FBLN2: variants seen among roughly 807,000 people sequenced by gnomAD.
FBLN2 encodes fibulin-2.
In FBLN2, 81 loss-of-function variants were observed where a neutral mutation model predicts 123.7. The observed-to-expected ratio is 0.65, with a 90% CI of 0.55 to 0.79. The LOEUF (loss-of-function observed/expected upper bound fraction) is 0.79. Among genes scored for constraint, FBLN2 ranks in the 30% least tolerant of loss-of-function variants. The pLI is 0.00. For missense variants in FBLN2, 1,603 were observed against 1,681.3 expected, an observed-to-expected ratio of 0.95 and a Z score of 0.81; for synonymous variants, 699 against 701.4, an observed-to-expected ratio of 1.00 and a Z score of 0.05.
chr3:13,572,410 G>A (rs561163581), intron 2 of FBLN2, among the ~76,000 whole-genome samples: 1 of 152,378 alleles, frequency 6.6e-6, no homozygotes, highest in African/African-American at 2.4e-5. Flanking sequence ...TGAGGCAACT[G>A]GGGCTCGAGG....
intron 2 of FBLN2, among the ~76,000 whole-genome samples, chr3:13,599,479 A>G (rs1216183278): frequency 6.6e-6 from 1 of 152,220 alleles, no homozygotes; most frequent in Admixed American, 6.5e-5. Context: ...CCCACCGTGT[A>G]GGACTTTGTA....
chr3:13,636,901 G>A (rs1449887872), intron 17 of FBLN2, among the ~76,000 whole-genome samples: 1 of 152,212 alleles, frequency 6.6e-6, no homozygotes, highest in Non-Finnish European at 1.5e-5. Flanking sequence ...GTGTCTGAGG[G>A]CTAGGAGCCT....
At position 13,571,153 on chromosome 3, in the gene FBLN2, G is replaced by T; in HGVS notation, c.798G>T (p.Val266=). Residue 266 remains valine (V), a synonymous_variant, in exon 2 of 18, where the codon GTG becomes GTT. Coordinates refer to ENST00000404922, the MANE Select transcript of FBLN2 (RefSeq NM_001004019.2). The part of the protein sequence containing the change: ...AAAALGPPAP[V]QAKARRVTED... Reference sequence around the variant, plus strand: ...CTGCCCTGGGTCCCCCAGCCCCAGTGCAGGCCAAAGCTAGGAGAGTGACCG... The same window carrying T: ...CTGCCCTGGGTCCCCCAGCCCCAGTTCAGGCCAAAGCTAGGAGAGTGACCG... The T allele has an allele frequency of 6.4e-7, 1 of 1,557,398 alleles. No individual in the cohort carries two copies. Among genetic ancestry groups the T allele is most frequent in the Non-Finnish European group, 8.7e-7 (1 of 1,151,402 alleles).
intron 2 of FBLN2, among the ~76,000 whole-genome samples, chr3:13,607,418 T>A (rs1705244461): frequency 6.6e-6 from 1 of 152,208 alleles, no homozygotes; most frequent in Non-Finnish European, 1.5e-5. Context: ...GTCTTCAGGC[T>A]GAGTAGGCTT....
At chr3:13,560,149 G>T (rs1316764788) in intron 1 of FBLN2, among the ~76,000 whole-genome samples, 1 of 152,162 alleles carries the variant, frequency 6.6e-6, no homozygotes, top group East Asian at 1.9e-4. Context: ...AATTTTTCAC[G>T]TGCTTATGTT....
At chr3:13,549,328 G>C in intron 1 of FBLN2, 120 bp downstream of exon 1, 1 of 619,810 alleles carries the variant, frequency 1.6e-6, no homozygotes, top group East Asian at 1.4e-4. Flanking sequence ...GCGCCTCGCG[G>C]GCTGCCCGCG....
rs1574941993 is a variant in FBLN2, at chr3:13,558,722, T to C, written c.-42+9514T>C. 1.3e-4 allele frequency among the ~76,000 whole-genome samples: 6 copies of C among 47,010 alleles called. No individual in the cohort carries two copies. The South Asian group carries it at 4.5e-3, about 35-fold the overall frequency. The allele number at this position is 47,010 out of a possible 152,430, so 30.8% of individuals were successfully genotyped here. On this transcript the variant is annotated intron_variant, in intron 1 of 17. Transcript: ENST00000404922. ...TCACTTACCCACCCATCCACCCACC[T>C]ACCTACTTTTTTAGCCACCCATCCA... is the stretch of plus-strand genomic sequence containing the variant.
intron 1 of FBLN2, among the ~76,000 whole-genome samples, chr3:13,556,183 G>A (rs1282211651): frequency 6.6e-6 from 1 of 152,180 alleles, no homozygotes; most frequent in East Asian, 1.9e-4. Context: ...CAGATGAGTC[G>A]GGGAGGAGAT....
chr3:13,595,049 T>A (rs1219244265), intron 2 of FBLN2, among the ~76,000 whole-genome samples: 1 of 152,182 alleles, frequency 6.6e-6, no homozygotes, highest in East Asian at 1.9e-4. Flanking sequence ...GCCTTCTCTT[T>A]CCACAGCTGT....
chr3:13,607,994 G>A, intron 2 of FBLN2, 68 bp from the exon 3 acceptor site: 2 of 1,262,336 alleles, frequency 1.6e-6, no homozygotes, highest in Non-Finnish European at 2.2e-6. Flanking sequence ...GACCTGGACA[G>A]GCCCCTGCAT....
chr3:13,589,003 G>A (rs1454459613), intron 2 of FBLN2, among the ~76,000 whole-genome samples: 1 of 152,176 alleles, frequency 6.6e-6, no homozygotes, highest in Non-Finnish European at 1.5e-5. Flanking sequence ...AGTCTCTTAG[G>A]TAATAGCAGT....
intron 2 of FBLN2, among the ~76,000 whole-genome samples, chr3:13,578,620 T>C (rs926573095): frequency 3.9e-5 from 6 of 152,108 alleles, no homozygotes; most frequent in Non-Finnish European, 7.3e-5. Context: ...CTTCCAGCTT[T>C]TCAGTATTAT....
chr3:13,552,041 G>A (rs1202569186), intron 1 of FBLN2, among the ~76,000 whole-genome samples: 1 of 152,080 alleles, frequency 6.6e-6, no homozygotes, highest in Non-Finnish European at 1.5e-5. Flanking sequence ...GTCTCACTTT[G>A]TTACTCAGGC....
At chr3:13,622,492 C>G (rs965237975) in intron 9 of FBLN2, among the ~76,000 whole-genome samples, 1 of 152,200 alleles carries the variant, frequency 6.6e-6, no homozygotes, top group Admixed American at 6.5e-5. Flanking sequence ...CAGCAGAGCC[C>G]GCCTCGCATA....
chr3:13,628,700 G>A (rs1356206674), intron 11 of FBLN2, among the ~76,000 whole-genome samples: 4 of 152,206 alleles, frequency 2.6e-5, no homozygotes, highest in South Asian at 2.1e-4. Context: ...GTGAGAGGGC[G>A]TAGGGCCAGC....
chr3:13,636,543 C>T lies in FBLN2; in HGVS notation c.3313C>T (p.Pro1105Ser). The change falls in exon 17 of 18, where the codon CCC becomes TCC. Residue 1105 changes from proline (P) to serine (S), a missense_variant. Physicochemically the swap from Pro to Ser is moderately conservative, Grantham distance 74. Transcript: ENST00000404922. ...CCGCTGCCTGCGCTTCGAGTGTCCT[C>T]CCAACTATGTCCAAGTCTCCAAAAC... ...SFRCLRFECP[P>S]NYVQVSKTKC... 1.2e-6 allele frequency: 2 copies of T among 1,613,580 alleles called. No individual in the cohort carries two copies. The highest frequency in any genetic ancestry group is 8.5e-7 in the Non-Finnish European group (1 of 1,179,748).
At chr3:13,554,816 C>A (rs1335398133) in intron 1 of FBLN2, among the ~76,000 whole-genome samples, 2 of 152,152 alleles carry the variant, frequency 1.3e-5, no homozygotes, top group Non-Finnish European at 2.9e-5. Context: ...TGTCAGCTTC[C>A]TTTCTGACAG....
chr3:13,626,400 G>T, intron 9 of FBLN2, 45 bp from the exon 10 acceptor site: 1 of 1,519,370 alleles, frequency 6.6e-7, no homozygotes, highest in Non-Finnish European at 8.9e-7. Context: ...CTCAGCCACT[G>T]TCCTGGGGAC....
chr3:13,567,507 G>A (rs1574947393), intron 1 of FBLN2, among the ~76,000 whole-genome samples: 3 of 152,292 alleles, frequency 2.0e-5, no homozygotes, highest in Admixed American at 6.5e-5. Flanking sequence ...ACAGGCACAC[G>A]CCATCATGCC....
Sources: allele counts gnomAD v4.1 joint callset (sites outside exome capture counted in the v4.1 genomes callset), GRCh38; gene constraint gnomAD v4.1.1; transcripts MANE v1.5; gene names NCBI Gene and HGNC (gene_info 2026-07-23, HGNC 2026-07-21).